PRKAG2: variants seen among roughly 807,000 people sequenced by gnomAD.
PRKAG2 encodes 5'-AMP-activated protein kinase subunit gamma-2.
In PRKAG2, 26 loss-of-function variants were observed where a neutral mutation model predicts 69.6. The ratio of observed to expected loss-of-function variants is 0.37; its 90% CI spans 0.27 to 0.52. The LOEUF (loss-of-function observed/expected upper bound fraction) is 0.52, where lower values mean the gene tolerates loss of function less well. Ranked by LOEUF, PRKAG2 falls within the 20% of genes least tolerant of loss-of-function variation. PRKAG2 has a pLI of 0.90. For missense variants in PRKAG2, 557 were observed against 740.0 expected, an observed-to-expected ratio of 0.75 and a Z score of 2.87; for synonymous variants, 293 against 285.0, an observed-to-expected ratio of 1.03 and a Z score of -0.28.
rs577440326 is a variant in PRKAG2, at chr7:151,756,745, G to A, written c.466+24407C>T. On this transcript the variant is annotated intron_variant, in intron 3 of 15. Transcript: ENST00000287878. The surrounding 1 kb of genome is among the most constrained non-coding windows in gnomAD (Gnocchi z 4.9). ...TGGGAAAGGATTTTCCTTACTCATC[G>A]GTGGGTCGCTTCCCAAACTCTAGTC... Among the ~76,000 whole-genome samples the A allele has an allele frequency of 2.0e-5, 3 of 152,268 alleles. No homozygotes were observed. Among genetic ancestry groups the A allele is most frequent in the South Asian group, 4.1e-4 (2 of 4,822 alleles).
chr7:151,712,906 G>A (rs193240330), intron 3 of PRKAG2, among the ~76,000 whole-genome samples: 119 of 152,294 alleles, frequency 7.8e-4, no homozygotes, highest in Non-Finnish European at 1.6e-3. Context: ...CTCATTTTGG[G>A]TGCAGGATAT....
intron 3 of PRKAG2, among the ~76,000 whole-genome samples, chr7:151,690,584 T>C (rs1250458467): frequency 3.9e-5 from 6 of 152,214 alleles, no homozygotes; most frequent in African/African-American, 1.4e-4. Context: ...CCGGATTCAA[T>C]TGTACCACAT....
At position 151,736,154 on chromosome 7, in the gene PRKAG2, T is replaced by A. The variant is rs1387498359; in HGVS notation, c.466+44998A>T. 7 of 1,450,102 alleles carry A rather than the reference T, an allele frequency of 4.8e-6. No homozygotes were observed. In the East Asian group the frequency reaches 1.5e-4, roughly 31 times the overall value. 89.8% of individuals were successfully genotyped at this position (1,450,102 alleles called of 1,614,324 possible). A position where few individuals can be genotyped will look rare whatever the true frequency, so the allele number is the denominator to read the frequency against. On this transcript the variant is annotated intron_variant, in intron 3 of 15. Coordinates refer to ENST00000287878, the MANE Select transcript of PRKAG2 (RefSeq NM_016203.4). ...GCCTGTGCTCAGGTGACAGCCCGGG[T>A]TCAAGCGTCCTCACCAGGGGGTCTT...
chr7:151,625,744 G>C (rs549290537), intron 5 of PRKAG2, among the ~76,000 whole-genome samples: 5 of 152,078 alleles, frequency 3.3e-5, no homozygotes, highest in Non-Finnish European at 7.4e-5. Context: ...ATGGAATCAG[G>C]CTGGTTAAAA....
chr7:151,819,842 G>A (rs1009472621), intron 1 of PRKAG2, among the ~76,000 whole-genome samples: 3 of 152,208 alleles, frequency 2.0e-5, no homozygotes, highest in Non-Finnish European at 2.9e-5. Context: ...TGTGCATGCA[G>A]CTCCTGCGGT....
chr7:151,638,430 C>T lies in PRKAG2; in HGVS notation c.685-6292G>A, dbSNP rs1009310717. Among the ~76,000 whole-genome samples, 1 of 152,088 alleles carries T rather than the reference C, an allele frequency of 6.6e-6. No individual in the cohort carries two copies. The highest frequency in any genetic ancestry group is 1.5e-5 in the Non-Finnish European group (1 of 68,010). On this transcript the variant is annotated intron_variant, in intron 4 of 15. Transcript: ENST00000287878. This position sits in a 1 kb window ranked among gnomAD's most constrained non-coding sequence, Gnocchi z 4.3. ...CGGGCGGATCACAAGGTCAGGAGAT[C>T]GAGACCATCCTGGCCAACATGGTGA...
At chr7:151,648,345 G>A (rs768476464) in intron 4 of PRKAG2, among the ~76,000 whole-genome samples, 1 of 152,070 alleles carries the variant, frequency 6.6e-6, no homozygotes. Flanking sequence ...CAAAAATGTC[G>A]CTATGAAAAC....
At chr7:151,827,765 A>AAAAAC (rs1554614018) in intron 1 of PRKAG2, among the ~76,000 whole-genome samples, 3 of 150,434 alleles carry the variant, frequency 2.0e-5, no homozygotes, top group African/African-American at 4.9e-5. Context: ...AAAAAAAAAA[A>AAAAAC]AAAAAAAAAC....
intron 1 of PRKAG2, among the ~76,000 whole-genome samples, chr7:151,811,774 T>G (rs1302232176): frequency 6.6e-6 from 1 of 152,220 alleles, no homozygotes; most frequent in Non-Finnish European, 1.5e-5. Flanking sequence ...AGGTCCAACC[T>G]AGGTTTCCTG....
chr7:151,606,438 A>G (rs886883490), intron 5 of PRKAG2, among the ~76,000 whole-genome samples: 2 of 152,208 alleles, frequency 1.3e-5, no homozygotes, highest in African/African-American at 4.8e-5. Context: ...ATTGAAACAG[A>G]GTGAAAATGA....
chr7:151,701,235 TAC>T (rs1013892395), intron 3 of PRKAG2, among the ~76,000 whole-genome samples: 4 of 152,216 alleles, frequency 2.6e-5, no homozygotes, highest in African/African-American at 9.6e-5. Context: ...CTCCAGTCTC[TAC>T]CTGTGCTGTC....
intron 3 of PRKAG2, among the ~76,000 whole-genome samples, chr7:151,767,271 C>T (rs995101034): frequency 2.0e-5 from 3 of 152,178 alleles, no homozygotes; most frequent in Non-Finnish European, 4.4e-5. Context: ...CTTCCAGCCT[C>T]TTGAGATAAT....
intron 3 of PRKAG2, among the ~76,000 whole-genome samples, chr7:151,683,097 G>A (rs1479467387): frequency 6.6e-6 from 1 of 152,218 alleles, no homozygotes; most frequent in Non-Finnish European, 1.5e-5. Context: ...ATTCTCCCAG[G>A]GCGGCAGCCA....
At chr7:151,797,885 C>G (rs938856433) in intron 1 of PRKAG2, among the ~76,000 whole-genome samples, 1 of 152,214 alleles carries the variant, frequency 6.6e-6, no homozygotes, top group Admixed American at 6.5e-5. Flanking sequence ...ATTATGAAAT[C>G]AATTTAGTGG....
chr7:151,777,924 T>TG lies in PRKAG2; in HGVS notation c.466+3227dup, dbSNP rs1036169606. On this transcript the variant is annotated intron_variant, in intron 3 of 15. Transcript: ENST00000287878. This position sits in a 1 kb window ranked among gnomAD's most constrained non-coding sequence, Gnocchi z 4.3. ...TAGTTTCTATGATCTCGTACTGCTC[T>TG]GGGGTCATGGAGCCAGAGGTCACAA... Among the ~76,000 whole-genome samples, 1 of 152,182 alleles carries TG rather than the reference T, an allele frequency of 6.6e-6. No homozygotes were observed. The highest frequency in any genetic ancestry group is 2.4e-5 in the African/African-American group (1 of 41,442).
rs550073782 is a variant in PRKAG2 at position 151,693,894 on chromosome 7, C to T, written c.467-18257G>A. Among the ~76,000 whole-genome samples the T allele has an allele frequency of 1.6e-4, 25 of 152,320 alleles. 1 individual carries two copies. The Middle Eastern group carries it at 0.014, about 83-fold the overall frequency. ...TTTCTGTTCTTTTTTTGTTTTGAGA[C>T]GGAGTCTCGCACTGTTGCCTAGGCT... On this transcript the variant is annotated intron_variant, in intron 3 of 15. Coordinates refer to ENST00000287878, the MANE Select transcript of PRKAG2 (RefSeq NM_016203.4).
chr7:151,717,685 C>T (rs933198659), intron 3 of PRKAG2, among the ~76,000 whole-genome samples: 4 of 152,204 alleles, frequency 2.6e-5, no homozygotes, highest in East Asian at 1.9e-4. Flanking sequence ...TGCCCACCCA[C>T]GTATTTGCCT....
At chr7:151,693,228 T>A (rs1286460622) in intron 3 of PRKAG2, among the ~76,000 whole-genome samples, 1 of 152,176 alleles carries the variant, frequency 6.6e-6, no homozygotes, top group Non-Finnish European at 1.5e-5. Context: ...GCAGAAAGCC[T>A]GATGATGTCC....
In PRKAG2 at chr7:151,568,845, G is replaced by A. The variant is rs2151008803; in HGVS notation, c.1107-3C>T. The A allele has an allele frequency of 6.2e-7, 1 of 1,613,678 alleles. No individual in the cohort carries two copies. Among genetic ancestry groups the A allele is most frequent in the Non-Finnish European group, 8.5e-7 (1 of 1,179,748 alleles). ...AGGAGTATACAGCATCGAAGAGGCT[G>A]TGGGAGAAGTCATTAAAGTTGTTAG... On this transcript the variant is annotated splice_polypyrimidine_tract_variant and splice_region_variant and intron_variant, in intron 10 of 15. Transcript: ENST00000287878.
Sources: gnomAD v4.1 joint callset for allele counts (sites outside exome capture counted in the v4.1 genomes callset) on GRCh38, gnomAD v4.1.1 for gene constraint, Gnocchi (gnomAD v3.1) non-coding constraint, MANE v1.5 for transcripts, NCBI Gene and HGNC (gene_info 2026-07-23, HGNC 2026-07-21) for gene names.